THSD4: variants seen among roughly 807,000 people sequenced by gnomAD.
THSD4 encodes the protein thrombospondin type 1 domain containing 4.
THSD4 carries 69 observed loss-of-function variants against 119.0 expected under a neutral mutation model. The ratio of observed to expected loss-of-function variants is 0.58; its 90% confidence interval spans 0.48 to 0.71. The LOEUF is 0.71. Ranked by LOEUF, THSD4 falls within the 30% of genes least tolerant of loss-of-function variation. The probability of loss-of-function intolerance (pLI) is 0.00; values close to 1 mark genes in which losing one functional copy is unlikely to be tolerated. For missense variants in THSD4, 1,393 were observed against 1,391.1 expected (o/e 1.00, Z -0.02); for synonymous variants, 524 against 540.4 (o/e 0.97, Z 0.42).
chr15:71,652,299 A>G (rs564420786), intron 7 of THSD4, among the ~76,000 whole-genome samples: 7 of 152,200 alleles, frequency 4.6e-5, no homozygotes, highest in Non-Finnish European at 1.0e-4. Flanking sequence ...AAAAATTACA[A>G]TAAAATCTGG....
At chr15:71,587,786 T>TAAAAAAAAAAAAAAAAAAA (rs1491483701) in intron 7 of THSD4, among the ~76,000 whole-genome samples, 1 of 5,776 alleles carries the variant, frequency 1.7e-4, no homozygotes, top group African/African-American at 3.6e-4. Flanking sequence ...AAAAAAAAAA[T>TAAAAAAAAAAAAAAAAAAA]TAAAAAAAAA....
At chr15:71,190,617 CA>C (rs1348504106) in intron 3 of THSD4, among the ~76,000 whole-genome samples, 1 of 152,156 alleles carries the variant, frequency 6.6e-6, no homozygotes, top group Non-Finnish European at 1.5e-5. Flanking sequence ...ATTTTTCTGA[CA>C]AACAGAATAG....
chr15:71,359,725 G>A (rs556421424), intron 6 of THSD4, among the ~76,000 whole-genome samples: 2 of 152,298 alleles, frequency 1.3e-5, no homozygotes, highest in South Asian at 2.1e-4. Context: ...TGAAAGGATC[G>A]CTTGGGCCTG....
At chr15:71,750,800 A>G (rs565974247) in intron 14 of THSD4, among the ~76,000 whole-genome samples, 1 of 152,354 alleles carries the variant, frequency 6.6e-6, no homozygotes, top group South Asian at 2.1e-4. Flanking sequence ...AGCTGAGTCC[A>G]GGAGAGCTCA....
intron 7 of THSD4, among the ~76,000 whole-genome samples, chr15:71,426,826 TTGAG>T (rs1443072560): frequency 2.6e-5 from 4 of 152,216 alleles, no homozygotes; most frequent in Admixed American, 6.5e-5. Flanking sequence ...AAAGGAGAGA[TTGAG>T]TATTATATGT....
At chr15:71,686,379 A>C (rs963631999) in intron 8 of THSD4, among the ~76,000 whole-genome samples, 4 of 152,200 alleles carry the variant, frequency 2.6e-5, no homozygotes, top group African/African-American at 9.6e-5. Context: ...GTGAGAAAGA[A>C]ACTGTTTCTC....
At chr15:71,437,853 C>G (rs1178862477) in intron 7 of THSD4, among the ~76,000 whole-genome samples, 1 of 152,170 alleles carries the variant, frequency 6.6e-6, no homozygotes, top group Non-Finnish European at 1.5e-5. Flanking sequence ...GGTTTGCTAT[C>G]CACTTTTTGG....
chr15:71,378,781 A>G (rs2046185275), intron 6 of THSD4, among the ~76,000 whole-genome samples: 1 of 152,014 alleles, frequency 6.6e-6, no homozygotes, highest in African/African-American at 2.4e-5. Context: ...TGTTGTCATT[A>G]TTGTTTTTTG....
chr15:71,750,256 G>T (rs2053423701), intron 14 of THSD4, among the ~76,000 whole-genome samples: 1 of 152,298 alleles, frequency 6.6e-6, no homozygotes. Context: ...GCAGTTTGGG[G>T]ATATCAGCAG....
intron 7 of THSD4, among the ~76,000 whole-genome samples, chr15:71,439,436 A>G (rs2047058983): frequency 6.6e-6 from 1 of 152,200 alleles, no homozygotes; most frequent in Non-Finnish European, 1.5e-5. Flanking sequence ...AATTAGTTCA[A>G]CCATTGTGGA....
In THSD4 at chr15:71,731,136, C is replaced by T. The variant is rs368890612; in HGVS notation, c.1549C>T (p.Pro517Ser). ...ILDVYMIHQQPNPGVHYEYVI... is the reference protein window; with the variant it reads ...ILDVYMIHQQSNPGVHYEYVI... ...GTGTCAGCAGATGATACACCAGCAGCCAAACCCAGGCGTGCACTACGAGTA... is the reference window on the plus strand; with the variant it reads ...GTGTCAGCAGATGATACACCAGCAGTCAAACCCAGGCGTGCACTACGAGTA... The change falls in exon 10 of 18, where the codon CCA becomes TCA. Residue 517 changes from proline to serine, a missense_variant. By Grantham distance (74) the Pro-to-Ser change is moderately conservative (BLOSUM62 -1). Transcript: ENST00000261862. 2.5e-6 allele frequency: 4 copies of T among 1,613,984 alleles called. No individual in the cohort carries two copies. In the African/African-American group the frequency reaches 5.3e-5, roughly 22 times the overall value.
Position 71,433,925 on chromosome 15 carries a change from G to A in THSD4, c.1152+22102G>A, listed in dbSNP as rs72743823. On this transcript the variant is annotated intron_variant, in intron 7 of 17. Transcript: ENST00000261862. Reference sequence around the variant, plus strand: ...CACAGCAAGATGTATACAGAACTTTGGGGAACCCCATTAGCCGGCCCTTAG... The same window carrying A: ...CACAGCAAGATGTATACAGAACTTTAGGGAACCCCATTAGCCGGCCCTTAG... 1.5e-3 allele frequency among the ~76,000 whole-genome samples: 229 copies of A among 152,196 alleles called. 1 individual carries two copies. The highest frequency in any genetic ancestry group is 2.5e-3 in the Admixed American group (38 of 15,290).
chr15:71,361,922 T>C (rs2045896717), intron 6 of THSD4, among the ~76,000 whole-genome samples: 1 of 152,200 alleles, frequency 6.6e-6, no homozygotes, highest in Admixed American at 6.5e-5. Context: ...TATACATACA[T>C]ATTTGGTCAA....
chr15:71,233,650 T>C (rs187745693), intron 4 of THSD4, among the ~76,000 whole-genome samples: 1 of 152,336 alleles, frequency 6.6e-6, no homozygotes, highest in East Asian at 1.9e-4. Flanking sequence ...GAATGCACCA[T>C]AATTAAACTA....
chr15:71,554,124 C>G (rs2048978859), intron 7 of THSD4, among the ~76,000 whole-genome samples: 1 of 143,412 alleles, frequency 7.0e-6, no homozygotes, highest in African/African-American at 2.6e-5. Flanking sequence ...GAGTCTCGCT[C>G]TGTCGCCCAG....
intron 8 of THSD4, among the ~76,000 whole-genome samples, chr15:71,705,170 G>T (rs532031390): frequency 9.2e-5 from 14 of 152,316 alleles, no homozygotes; most frequent in African/African-American, 3.4e-4. Flanking sequence ...TTCTACCCTT[G>T]CAGGGAAGGA....
intron 7 of THSD4, among the ~76,000 whole-genome samples, chr15:71,655,007 A>G (rs2051161474): frequency 6.6e-6 from 1 of 152,188 alleles, no homozygotes; most frequent in African/African-American, 2.4e-5. Context: ...CCCTCAGGAA[A>G]TTTCATTCAG....
intron 7 of THSD4, among the ~76,000 whole-genome samples, chr15:71,459,214 A>G (rs1035016300): frequency 7.5e-6 from 1 of 133,756 alleles, no homozygotes; most frequent in Admixed American, 8.5e-5. Flanking sequence ...GCTGGAGTGC[A>G]GTGGTGCAAT....
chr15:71,670,856 A>G (rs1595848994), intron 8 of THSD4, among the ~76,000 whole-genome samples: 1 of 152,138 alleles, frequency 6.6e-6, no homozygotes, highest in Non-Finnish European at 1.5e-5. Flanking sequence ...ATAGTATTCC[A>G]TGGTGTATAT....
Sources: allele counts gnomAD v4.1 joint callset (sites outside exome capture counted in the v4.1 genomes callset), GRCh38; gene constraint gnomAD v4.1.1; transcripts MANE v1.5; gene names NCBI Gene and HGNC (gene_info 2026-07-23, HGNC 2026-07-21).